CFHR1: variants seen among roughly 807,000 people sequenced by gnomAD.
The protein encoded by CFHR1 is complement factor H-related protein 1.
Under a neutral mutation model 30.4 loss-of-function variants are expected in CFHR1, and 22 were observed. The ratio of observed to expected loss-of-function variants is 0.72; its 90% CI spans 0.52 to 1.03. The LOEUF (loss-of-function observed/expected upper bound fraction) is 1.03. Among genes scored for constraint, CFHR1 ranks in the 50% least tolerant of loss-of-function variants. The pLI is 0.00. For synonymous variants in CFHR1, 95 were observed against 129.1 expected (o/e 0.74, Z 1.79); for missense variants, 248 against 380.6 (o/e 0.65, Z 2.90).
intron 1 of CFHR1, among the ~76,000 whole-genome samples, chr1:196,820,614 A>G (rs423641): frequency 0.4 from 47,965 of 120,616 alleles, 13,591 homozygotes; most frequent in East Asian, 0.5. Context: ...TAGGATACTA[A>G]TTAAACTATG....
In CFHR1 at chr1:196,826,821, G is replaced by A; in HGVS notation, c.254-8G>A. ...CATCTTGTACATTAATCCGTTTTTG[G>A]TCCTTAGGACTGTGTTTCTTTCCTT... On this transcript the variant is annotated splice_polypyrimidine_tract_variant and splice_region_variant and intron_variant, in intron 2 of 5. Transcript: ENST00000320493. 6.6e-7 allele frequency: 1 copy of A among 1,520,810 alleles called. No homozygotes were observed. Among genetic ancestry groups the A allele is most frequent in the Non-Finnish European group, 8.9e-7 (1 of 1,126,756 alleles). 94.2% of individuals were successfully genotyped at this position (1,520,810 alleles called of 1,614,324 possible). A position where few individuals can be genotyped will look rare whatever the true frequency, so the allele number is the denominator to read the frequency against.
chr1:196,829,043 C>A (rs1232734380), intron 4 of CFHR1, among the ~76,000 whole-genome samples: 1 of 133,704 alleles, frequency 7.5e-6, no homozygotes, highest in Non-Finnish European at 1.6e-5. Flanking sequence ...TCCTCCATTC[C>A]CTGTAGGGAA....
chr1:196,822,263 G>C (rs1283586803), intron 1 of CFHR1, among the ~76,000 whole-genome samples: 2 of 119,048 alleles, frequency 1.7e-5, no homozygotes, highest in East Asian at 2.1e-4. Context: ...GGTGGTTTTT[G>C]GTTACATGGA....
intron 5 of CFHR1, among the ~76,000 whole-genome samples, chr1:196,831,156 T>A (rs1308999238): frequency 7.4e-6 from 1 of 135,700 alleles, no homozygotes; most frequent in African/African-American, 3.1e-5. Context: ...AAAAAAGTAA[T>A]TTTTCTCTTT....
At chr1:196,825,320 C>A in intron 1 of CFHR1, 157 bp from the exon 2 acceptor site, 2 of 462,930 alleles carry the variant, frequency 4.3e-6, no homozygotes, top group Non-Finnish European at 3.4e-6. Flanking sequence ...GTTAGTGATG[C>A]TTTTCATTCC....
intron 1 of CFHR1, chr1:196,825,218 G>A (rs1239246652): frequency 3.2e-6 from 1 of 310,924 alleles, no homozygotes; most frequent in Non-Finnish European, 5.8e-6. Context: ...TATTCTTGAA[G>A]ACAATGCAGG....
At chr1:196,824,440 T>G (rs1655243983) in intron 1 of CFHR1, among the ~76,000 whole-genome samples, 1 of 129,626 alleles carries the variant, frequency 7.7e-6, no homozygotes, top group Non-Finnish European at 1.6e-5. Context: ...GTATTTTTAG[T>G]AGAGATGGGG....
At position 196,830,067 on chromosome 1, in the gene CFHR1, T is replaced by C. The variant is rs1655484118; in HGVS notation, c.608-433T>C. Among the ~76,000 whole-genome samples, 2 of 135,602 alleles carry C rather than the reference T, an allele frequency of 1.5e-5. 1 individual carries two copies. Among genetic ancestry groups the C allele is most frequent in the Non-Finnish European group, 3.1e-5 (2 of 64,390 alleles). 89.0% of individuals were successfully genotyped at this position (135,602 alleles called of 152,430 possible). On this transcript the variant is annotated intron_variant, in intron 4 of 5. Coordinates refer to ENST00000320493, the MANE Select transcript of CFHR1 (RefSeq NM_002113.3). ...CCCATGTATTATTAAGTATATTCAG[T>C]GTTTTTAAAAAATTTTTATCATACT...
intron 1 of CFHR1, among the ~76,000 whole-genome samples, chr1:196,824,963 A>AAT (rs1346101753): frequency 7.7e-6 from 1 of 129,724 alleles, no homozygotes; most frequent in African/African-American, 3.4e-5. Context: ...GTAACCAGAA[A>AAT]ATATTCAAAA....
At position 196,825,484 on chromosome 1, in the gene CFHR1, T is replaced by C. The variant is rs200609129; in HGVS notation, c.66T>C (p.Phe22=). 6.7e-7 allele frequency: 1 copy of C among 1,488,414 alleles called. No individual in the cohort carries two copies. Among genetic ancestry groups the C allele is most frequent in the Non-Finnish European group, 9.1e-7 (1 of 1,098,108 alleles). The allele number at this position is 1,488,414 out of a possible 1,614,324, so 92.2% of individuals were successfully genotyped here. The change falls in exon 2 of 6, where the codon TTT becomes TTC. Residue 22 remains phenylalanine, a synonymous_variant. Transcript: ENST00000320493. ...RISSVGGEAT[F]CDFPKINHGI... ...TTTATGTTATTTTCCCAGCAACATT[T>C]TGTGATTTTCCAAAAATAAACCATG...
intron 2 of CFHR1, among the ~76,000 whole-genome samples, 181 bp from the exon 3 acceptor site, chr1:196,826,648 C>T (rs1203869529): frequency 7.4e-6 from 1 of 134,340 alleles, no homozygotes; most frequent in Non-Finnish European, 1.6e-5. Context: ...CAGGGTTTCA[C>T]CATGTTGGCC....
chr1:196,828,541 AT>A (rs1431447278), intron 4 of CFHR1, among the ~76,000 whole-genome samples: 1 of 131,952 alleles, frequency 7.6e-6, no homozygotes, highest in Non-Finnish European at 1.6e-5. Context: ...CATTATGTGC[AT>A]TTGACAGCCA....
Position 196,831,088 on chromosome 1 carries a change from C to T in CFHR1, c.790+406C>T, listed in dbSNP as rs1207169034. Among the ~76,000 whole-genome samples the T allele has an allele frequency of 1.3e-4, 18 of 135,560 alleles. 2 individuals carry two copies. The highest frequency in any genetic ancestry group is 2.5e-4 in the Non-Finnish European group (16 of 64,346). The allele number at this position is 135,560 out of a possible 152,430, so 88.9% of individuals were successfully genotyped here. A position where few individuals can be genotyped will look rare whatever the true frequency, so the allele number is the denominator to read the frequency against. The stretch of plus-strand genomic sequence containing the variant: ...CGGAGCTTGCAGTGAGCCGAGTTCG[C>T]GCCACTGCACTCCAGCCTGGGCGAC... On this transcript the variant is annotated intron_variant, in intron 5 of 5. Coordinates refer to ENST00000320493, the MANE Select transcript of CFHR1 (RefSeq NM_002113.3).
intron 3 of CFHR1, 129 bp downstream of exon 3, chr1:196,827,134 A>G: frequency 9.7e-7 from 1 of 1,033,596 alleles, no homozygotes; most frequent in Non-Finnish European, 1.4e-6. Context: ...TTTCAGTTCC[A>G]ATTGTGTCCA....
Position 196,830,547 on chromosome 1 carries a change from A to G in CFHR1, c.655A>G (p.Ile219Val). 6.6e-7 allele frequency: 1 copy of G among 1,525,478 alleles called. No individual in the cohort carries two copies. 94.5% of individuals were successfully genotyped at this position (1,525,478 alleles called of 1,614,324 possible). ...CCCTCCACCTATTGACAATGGGGACATTACTTCATTCCCGTTGTCAGTATA... is the reference window on the plus strand; with the variant it reads ...CCCTCCACCTATTGACAATGGGGACGTTACTTCATTCCCGTTGTCAGTATA... ...GPPPPIDNGD[I>V]TSFPLSVYAP... The change falls in exon 5 of 6, where the codon ATT (isoleucine) becomes GTT (valine). Residue 219 changes from isoleucine to valine, a missense_variant. Around this residue, in one of 3 missense-constraint regions of CFHR1, gnomAD observed 112 missense variants for 156.4 expected, o/e 0.72. Coordinates refer to ENST00000320493, the MANE Select transcript of CFHR1 (RefSeq NM_002113.3).
At chr1:196,823,359 T>C (rs1460802206) in intron 1 of CFHR1, among the ~76,000 whole-genome samples, 2 of 134,568 alleles carry the variant, frequency 1.5e-5, no homozygotes, top group East Asian at 3.9e-4. Flanking sequence ...CAAGTTATTC[T>C]GGATAGCAAA....
chr1:196,830,049 A>G (rs1345405504), intron 4 of CFHR1, among the ~76,000 whole-genome samples: 2 of 135,120 alleles, frequency 1.5e-5, no homozygotes, highest in East Asian at 2.0e-4. Flanking sequence ...CTCCCCATGT[A>G]TTATTAAGTA....
rs1340982511 is a variant in CFHR1, at chr1:196,827,188, A to T, written c.430+183A>T. Among the ~76,000 whole-genome samples the T allele has an allele frequency of 5.9e-5, 8 of 136,100 alleles. 2 individuals are homozygous for T. Among genetic ancestry groups the T allele is most frequent in the Non-Finnish European group, 1.2e-4 (8 of 64,534 alleles). The allele number at this position is 136,100 out of a possible 152,430, so 89.3% of individuals were successfully genotyped here. On this transcript the variant is annotated intron_variant, in intron 3 of 5. Transcript: ENST00000320493. ...TAGTTTGCCTACCTATATAAATCAAATGTTCTCAAAGTGTGGTCGCTAAAC... is the reference window on the plus strand; with the variant it reads ...TAGTTTGCCTACCTATATAAATCAATTGTTCTCAAAGTGTGGTCGCTAAAC...
intron 1 of CFHR1, among the ~76,000 whole-genome samples, chr1:196,824,911 T>C (rs1177211547): frequency 7.8e-6 from 1 of 127,708 alleles, no homozygotes; most frequent in African/African-American, 3.5e-5. Context: ...AGTGATTTTC[T>C]TATATTCCCT....
Sources: allele counts gnomAD v4.1 joint callset (sites outside exome capture counted in the v4.1 genomes callset), GRCh38; gene constraint gnomAD v4.1.1; regional missense constraint gnomAD v4.1.1; transcripts MANE v1.5; gene names NCBI Gene and HGNC (gene_info 2026-07-23, HGNC 2026-07-21).